BEND7: variants seen among roughly 807,000 people sequenced by gnomAD.
The protein encoded by BEND7 is BEN domain containing 7.
Under a neutral mutation model 50.9 loss-of-function variants are expected in BEND7, and 28 were observed. The ratio of observed to expected loss-of-function variants is 0.55; its 90% CI spans 0.41 to 0.75. The LOEUF is 0.75. BEND7 is among the 30% of genes least tolerant of loss of function. BEND7 has a pLI of 0.00. For synonymous variants in BEND7, 170 were observed against 183.9 expected, an observed-to-expected ratio of 0.92 and a Z score of 0.61; for missense variants, 477 against 491.3, an observed-to-expected ratio of 0.97 and a Z score of 0.28.
chr10:13,509,775 G>T (rs1429394071), intron 2 of BEND7, among the ~76,000 whole-genome samples: 1 of 152,142 alleles, frequency 6.6e-6, no homozygotes, highest in African/African-American at 2.4e-5. Flanking sequence ...AACTTAGCTG[G>T]AGTTAAGGCA....
intron 7 of BEND7, among the ~76,000 whole-genome samples, chr10:13,450,214 C>G (rs1837375831): frequency 6.6e-6 from 1 of 152,206 alleles, no homozygotes; most frequent in Non-Finnish European, 1.5e-5. Flanking sequence ...GCAGTGCAGG[C>G]TTCCTTAAGT....
At chr10:13,466,380 C>T (rs139810106) in intron 6 of BEND7, among the ~76,000 whole-genome samples, 393 of 152,046 alleles carry the variant, frequency 2.6e-3, no homozygotes, top group African/African-American at 8.3e-3. Context: ...GCCAACATGC[C>T]GAAACCCTGT....
intron 2 of BEND7, among the ~76,000 whole-genome samples, chr10:13,503,954 C>T (rs1002014224): frequency 3.3e-5 from 5 of 152,208 alleles, no homozygotes; most frequent in African/African-American, 1.2e-4. Flanking sequence ...CTGAGCAGGT[C>T]ACCCCTGCAG....
intron 8 of BEND7, chr10:13,443,062 G>C (rs1835577661): frequency 6.6e-6 from 1 of 152,204 alleles, no homozygotes; most frequent in Non-Finnish European, 1.5e-5. Context: ...ACAGGGAAGA[G>C]AGAACCACTT....
rs140744189 is a variant in BEND7 at position 13,489,210 on chromosome 10, G to A, written c.837+3401C>T. 9.5e-3 allele frequency among the ~76,000 whole-genome samples: 1,453 copies of A among 152,154 alleles called. 14 individuals carry two copies. The highest frequency in any genetic ancestry group is 0.024 in the Middle Eastern group (7 of 294). On this transcript the variant is annotated intron_variant, in intron 5 of 8. Coordinates refer to ENST00000466271, the MANE Select transcript of BEND7 (RefSeq NM_001369863.1). The stretch of plus-strand genomic sequence containing the variant: ...GGGAGGGGTCAGGTTCATTGCTCAG[G>A]GTCACACAGCTGAGAGTCTAACCCA...
Position 13,528,673 on chromosome 10 carries a change from A to C in BEND7, c.-140T>G, listed in dbSNP as rs10906401. The stretch of plus-strand genomic sequence containing the variant: ...CCAAGGTCCGCGCCTGGAGTCGGCG[A>C]GGGGAGGCCGCGGGACGGGAGGAAC... On this transcript the variant is annotated 5_prime_UTR_variant, in exon 1 of 9. Transcript: ENST00000466271. 2.2e-3 allele frequency: 698 copies of C among 314,940 alleles called. 11 individuals carry two copies. The highest frequency in any genetic ancestry group is 0.015 in the African/African-American group (661 of 43,470). 19.5% of individuals were successfully genotyped at this position (314,940 alleles called of 1,614,324 possible).
chr10:13,474,182 G>A (rs1355454083), intron 6 of BEND7, among the ~76,000 whole-genome samples: 1 of 151,950 alleles, frequency 6.6e-6, no homozygotes, highest in East Asian at 1.9e-4. Context: ...TAGATTTCGG[G>A]TCAATATCCA....
At chr10:13,458,144 A>G (rs1839427365) in intron 6 of BEND7, among the ~76,000 whole-genome samples, 5 of 152,276 alleles carry the variant, frequency 3.3e-5, no homozygotes, top group Admixed American at 3.3e-4. Context: ...CCGTCCATGA[A>G]TAATGACTTT....
At chr10:13,504,523 A>G (rs2132317412) in intron 2 of BEND7, among the ~76,000 whole-genome samples, 1 of 152,328 alleles carries the variant, frequency 6.6e-6, no homozygotes, top group Non-Finnish European at 1.5e-5. Flanking sequence ...ATTGGTGAAA[A>G]GTATACAGGA....
At chr10:13,468,725 G>C (rs966038584) in intron 6 of BEND7, among the ~76,000 whole-genome samples, 4 of 152,178 alleles carry the variant, frequency 2.6e-5, no homozygotes, top group African/African-American at 9.7e-5. Flanking sequence ...GAATGAGAGA[G>C]GAGGGACAAA....
At chr10:13,493,626 C>T (rs1043690386) in intron 4 of BEND7, among the ~76,000 whole-genome samples, 1 of 152,198 alleles carries the variant, frequency 6.6e-6, no homozygotes, top group Non-Finnish European at 1.5e-5. Context: ...CAGTTCCAAA[C>T]ATGAAAAGCA....
intron 2 of BEND7, among the ~76,000 whole-genome samples, chr10:13,522,597 C>T (rs545676421): frequency 3.3e-5 from 5 of 152,314 alleles, no homozygotes; most frequent in African/African-American, 7.2e-5. Flanking sequence ...GCTCCCTCAC[C>T]CTTCCCACCT....
rs551682734 is a variant in BEND7, at chr10:13,468,557, T to G, written c.1063+12342A>C. Among the ~76,000 whole-genome samples the G allele has an allele frequency of 2.6e-5, 4 of 152,090 alleles. No homozygotes were observed. The East Asian group carries it at 7.8e-4, about 29-fold the overall frequency. The stretch of plus-strand genomic sequence containing the variant: ...TAAGTAGGAAAACGATGTCACGAGA[T>G]TTGGTTTTCTGGGTGTTACTAGGCT... On this transcript the variant is annotated intron_variant, in intron 6 of 8. Coordinates refer to ENST00000466271, the MANE Select transcript of BEND7 (RefSeq NM_001369863.1).
intron 2 of BEND7, among the ~76,000 whole-genome samples, chr10:13,501,718 G>A (rs117027748): frequency 7.3e-4 from 111 of 152,132 alleles, no homozygotes; most frequent in Admixed American, 2.0e-3. Context: ...ATGGTGGTGT[G>A]TGCCTGTGGT....
At chr10:13,490,157 T>C (rs2076545843) in intron 5 of BEND7, among the ~76,000 whole-genome samples, 1 of 152,236 alleles carries the variant, frequency 6.6e-6, no homozygotes, top group Non-Finnish European at 1.5e-5. Context: ...GGTATATACA[T>C]TGGCATTTGG....
At chr10:13,493,429 C>T (rs1016430522) in intron 4 of BEND7, among the ~76,000 whole-genome samples, 16 of 152,292 alleles carry the variant, frequency 1.1e-4, no homozygotes, top group African/African-American at 3.6e-4. Context: ...TGGGAAAAGC[C>T]TATTAGTTAC....
intron 5 of BEND7, among the ~76,000 whole-genome samples, chr10:13,487,865 G>T (rs2076346864): frequency 6.6e-6 from 1 of 152,048 alleles, no homozygotes; most frequent in South Asian, 2.1e-4. Context: ...GGACGAGGCG[G>T]ATGGATCACT....
At chr10:13,526,424 A>G (rs1464122508) in intron 1 of BEND7, among the ~76,000 whole-genome samples, 1 of 152,224 alleles carries the variant, frequency 6.6e-6, no homozygotes, top group Non-Finnish European at 1.5e-5. Flanking sequence ...AACTTGAAAG[A>G]TTACTTTGGC....
intron 2 of BEND7, among the ~76,000 whole-genome samples, chr10:13,509,876 C>T (rs10906396): frequency 0.34 from 50,992 of 151,980 alleles, 9,476 homozygotes; most frequent in East Asian, 0.66. Flanking sequence ...TTTGTAAGAG[C>T]GATAGGACAC....
Sources: gnomAD v4.1 joint callset for allele counts (sites outside exome capture counted in the v4.1 genomes callset) on GRCh38, gnomAD v4.1.1 for gene constraint, MANE v1.5 for transcripts, NCBI Gene and HGNC (gene_info 2026-07-23, HGNC 2026-07-21) for gene names.